DOK6: variants seen among roughly 807,000 people sequenced by gnomAD.
DOK6 encodes the protein docking protein 6, also known as downstream of tyrosine kinase 6.
DOK6 carries 22 observed loss-of-function variants against 44.0 expected under a neutral mutation model. That is an observed-to-expected ratio of 0.50 (90% CI 0.36 to 0.71). The LOEUF (loss-of-function observed/expected upper bound fraction) is 0.71. Among genes scored for constraint, DOK6 ranks in the 30% least tolerant of loss-of-function variants. DOK6 has a pLI of 0.00. For missense variants in DOK6, 340 were observed against 416.4 expected (o/e 0.82, Z 1.60); for synonymous variants, 166 against 145.5 (o/e 1.14, Z -1.01).
At chr18:69,596,738 C>A (rs951382737) in intron 2 of DOK6, among the ~76,000 whole-genome samples, 13 of 152,138 alleles carry the variant, frequency 8.5e-5, no homozygotes, top group Non-Finnish European at 4.4e-5. Flanking sequence ...TAACAAAAAA[C>A]AGTATCAGTA....
intron 3 of DOK6, among the ~76,000 whole-genome samples, chr18:69,652,810 G>A (rs4243313): frequency 0.93 from 141,926 of 152,224 alleles, 66,979 homozygotes; most frequent in East Asian, 1. Context: ...CCCTACAAAG[G>A]AACATATTAT....
chr18:69,498,047 C>A (rs568486016), intron 1 of DOK6, among the ~76,000 whole-genome samples: 1 of 152,010 alleles, frequency 6.6e-6, no homozygotes, highest in African/African-American at 2.4e-5. Context: ...TCTCTCTCCA[C>A]GCACACACAA....
chr18:69,451,718 G>C (rs1979472092), intron 1 of DOK6, among the ~76,000 whole-genome samples: 2 of 113,492 alleles, frequency 1.8e-5, no homozygotes, highest in African/African-American at 3.5e-5. Context: ...CTATCTCTCA[G>C]ACCACAGTGC....
At chr18:69,698,963 A>T (rs1285112208) in intron 5 of DOK6, among the ~76,000 whole-genome samples, 1 of 152,160 alleles carries the variant, frequency 6.6e-6, no homozygotes, top group Non-Finnish European at 1.5e-5. Flanking sequence ...CCTTGCTTGC[A>T]TTGTTTTTGT....
intron 2 of DOK6, among the ~76,000 whole-genome samples, chr18:69,585,585 C>T (rs1411730267): frequency 2.0e-5 from 3 of 152,138 alleles, no homozygotes; most frequent in Non-Finnish European, 4.4e-5. Flanking sequence ...ACTTCCTTGT[C>T]GGATAATTTT....
intron 1 of DOK6, among the ~76,000 whole-genome samples, chr18:69,468,988 C>T (rs533634862): frequency 6.6e-6 from 1 of 152,228 alleles, no homozygotes; most frequent in East Asian, 1.9e-4. Context: ...AGGAGGTGTG[C>T]GAGGAATTAC....
At chr18:69,682,332 C>A (rs77173952) in intron 4 of DOK6, among the ~76,000 whole-genome samples, 1 of 152,182 alleles carries the variant, frequency 6.6e-6, no homozygotes, top group East Asian at 1.9e-4. Flanking sequence ...GTTGTGTTAC[C>A]AGTCAACAAA....
chr18:69,742,983 C>T (rs1259720463), intron 6 of DOK6, among the ~76,000 whole-genome samples: 5 of 152,172 alleles, frequency 3.3e-5, no homozygotes, highest in African/African-American at 1.2e-4. Context: ...AGATGACATG[C>T]TTGCCATTTT....
chr18:69,696,910 G>C (rs1053782140), intron 4 of DOK6, among the ~76,000 whole-genome samples: 2 of 152,288 alleles, frequency 1.3e-5, no homozygotes, highest in East Asian at 3.9e-4. Flanking sequence ...ATGAGGCAAT[G>C]TTCTTTCTTC....
In DOK6 at chr18:69,777,328, ATTTG is replaced by A. The variant is rs575974886; in HGVS notation, c.856+19459_856+19462del. Among the ~76,000 whole-genome samples the A allele has an allele frequency of 2.0e-4, 30 of 152,120 alleles. No individual in the cohort carries two copies. The South Asian group carries it at 6.0e-3, about 31-fold the overall frequency. On this transcript the variant is annotated intron_variant, in intron 7 of 7. Coordinates refer to ENST00000382713, the MANE Select transcript of DOK6 (RefSeq NM_152721.6). Reference sequence around the variant, plus strand: ...AAATAAATTATTCTTAAAGTTTCAGATTTGTTTAATAGAAATAAAATTTTGATGA... The same window carrying A: ...AAATAAATTATTCTTAAAGTTTCAGATTTAATAGAAATAAAATTTTGATGA...
At chr18:69,695,031 A>C (rs367544475) in intron 4 of DOK6, among the ~76,000 whole-genome samples, 1 of 152,356 alleles carries the variant, frequency 6.6e-6, no homozygotes, top group East Asian at 1.9e-4. Context: ...GGCAGATATT[A>C]GATAACACTT....
chr18:69,586,836 C>G (rs566574757), intron 2 of DOK6, among the ~76,000 whole-genome samples: 2 of 152,314 alleles, frequency 1.3e-5, no homozygotes, highest in South Asian at 4.1e-4. Flanking sequence ...TCACCTCCCA[C>G]AGGCTGCCCA....
chr18:69,446,458 T>G (rs355991), intron 1 of DOK6, among the ~76,000 whole-genome samples: 45,070 of 151,636 alleles, frequency 0.3, 7,026 homozygotes, highest in Middle Eastern at 0.52. Flanking sequence ...GTCTATCATT[T>G]TTGGACATTT....
intron 7 of DOK6, among the ~76,000 whole-genome samples, chr18:69,786,511 G>A (rs954948063): frequency 1.3e-5 from 2 of 152,104 alleles, no homozygotes; most frequent in Non-Finnish European, 2.9e-5. Context: ...AGAAAGTGTT[G>A]GGGGAAATTT....
intron 4 of DOK6, among the ~76,000 whole-genome samples, chr18:69,694,013 C>G (rs971969628): frequency 1.5e-4 from 21 of 138,130 alleles, no homozygotes; most frequent in Non-Finnish European, 2.6e-4. Flanking sequence ...GAGCCGAGAT[C>G]CCGCCACCGC....
At chr18:69,526,807 G>A (rs1217501741) in intron 1 of DOK6, among the ~76,000 whole-genome samples, 1 of 152,144 alleles carries the variant, frequency 6.6e-6, no homozygotes, top group Non-Finnish European at 1.5e-5. Context: ...AATAAGTGCT[G>A]AGAGACCAAG....
At chr18:69,680,174 T>G (rs2144687821) in intron 4 of DOK6, among the ~76,000 whole-genome samples, 1 of 152,344 alleles carries the variant, frequency 6.6e-6, no homozygotes, top group African/African-American at 2.4e-5. Context: ...CTGGGTTTAT[T>G]TAAATGGCCC....
In DOK6 at chr18:69,597,636, G is replaced by C. The variant is rs908681611; in HGVS notation, c.175-1748G>C. ...AAATCACAAAAATGCAAAAGCCATG[G>C]CTCTACGCAGAGCATGAAAAGGACA... On this transcript the variant is annotated intron_variant, in intron 2 of 7. Transcript: ENST00000382713. Among the ~76,000 whole-genome samples, 176 of 152,294 alleles carry C rather than the reference G, an allele frequency of 1.2e-3. 1 individual carries two copies. Among genetic ancestry groups the C allele is most frequent in the African/African-American group, 4.0e-3 (167 of 41,562 alleles).
intron 2 of DOK6, among the ~76,000 whole-genome samples, chr18:69,574,373 GT>G (rs1312146471): frequency 6.6e-6 from 1 of 151,982 alleles, no homozygotes; most frequent in East Asian, 1.9e-4. Context: ...ATGAAGTAAG[GT>G]TTATAAATAG....
Sources: gnomAD v4.1 joint callset for allele counts (sites outside exome capture counted in the v4.1 genomes callset) on GRCh38, gnomAD v4.1.1 for gene constraint, MANE v1.5 for transcripts, NCBI Gene and HGNC (gene_info 2026-07-23, HGNC 2026-07-21) for gene names.